UQCC6: variants seen among roughly 807,000 people sequenced by gnomAD.
UQCC6 encodes ubiquinol-cytochrome c reductase complex assembly factor 6, also known as protein BRAWNIN.
At chr12:103,962,686 C>T in the UQCC6 span, among the ~76,000 whole-genome samples, 136,959 of 152,318 alleles carry the variant, frequency 0.9, 61,672 homozygotes, top group East Asian at 1. Flanking sequence ...AATTTCTGCA[C>T]ACTCAGCCCC....
At chr12:103,959,486 G>A in the UQCC6 span, among the ~76,000 whole-genome samples, 1 of 152,100 alleles carries the variant, frequency 6.6e-6, no homozygotes, top group Non-Finnish European at 1.5e-5. Flanking sequence ...GCCGAGGCAG[G>A]CGGATTGTCT....
the UQCC6 span, chr12:103,953,733 C>CA: frequency 2.8e-5 from 17 of 600,042 alleles, no homozygotes; most frequent in East Asian, 4.8e-4. Context: ...TTAGACCCTT[C>CA]AATATGGCCC....
the UQCC6 span, among the ~76,000 whole-genome samples, chr12:103,960,452 C>G: frequency 6.6e-6 from 1 of 152,172 alleles, no homozygotes; most frequent in Admixed American, 6.5e-5. Flanking sequence ...CAAATCCTCT[C>G]CAACATTTGC....
the UQCC6 span, chr12:103,956,832 G>A: frequency 1.2e-6 from 1 of 834,846 alleles, no homozygotes; most frequent in Non-Finnish European, 1.9e-6. Flanking sequence ...AGCCAGCGCT[G>A]GACACGAGAC....
At chr12:103,956,993 G>A in the UQCC6 span, 1 of 515,272 alleles carries the variant, frequency 1.9e-6, no homozygotes, top group Admixed American at 3.2e-5. Flanking sequence ...GCGCCGGCCT[G>A]CGTGCGGCAT....
chr12:103,956,920 G>A, the UQCC6 span: 2 of 573,628 alleles, frequency 3.5e-6, no homozygotes, highest in Non-Finnish European at 6.3e-6. Flanking sequence ...TACGAGCTGA[G>A]GGCACTGAGA....
the UQCC6 span, among the ~76,000 whole-genome samples, chr12:103,960,149 G>T: frequency 2.0e-5 from 3 of 151,766 alleles, no homozygotes; most frequent in African/African-American, 7.3e-5. Flanking sequence ...GTGTAGTGGC[G>T]TGACCTTGAC....
At chr12:103,963,801 C>T in the UQCC6 span, among the ~76,000 whole-genome samples, 2 of 152,066 alleles carry the variant, frequency 1.3e-5, no homozygotes, top group South Asian at 2.1e-4. Flanking sequence ...TGCAACCTTG[C>T]GAATCTCACC....
chr12:103,953,006 A>G, the UQCC6 span, among the ~76,000 whole-genome samples: 1 of 152,198 alleles, frequency 6.6e-6, no homozygotes, highest in African/African-American at 2.4e-5. Flanking sequence ...GGGCAGAGGA[A>G]AAAGGGAGTG....
chr12:103,956,954 G>T, the UQCC6 span: 2 of 545,600 alleles, frequency 3.7e-6, no homozygotes, highest in East Asian at 3.1e-5. Context: ...CCAGGCCGAG[G>T]CCCAGCCCCA....
At chr12:103,956,093 G>A in the UQCC6 span, among the ~76,000 whole-genome samples, 1 of 152,156 alleles carries the variant, frequency 6.6e-6, no homozygotes, top group Non-Finnish European at 1.5e-5. Context: ...AGTGCTCTAT[G>A]GAAACAAAAG....
chr12:103,960,310 G>A, the UQCC6 span, among the ~76,000 whole-genome samples: 1 of 152,086 alleles, frequency 6.6e-6, no homozygotes, highest in Non-Finnish European at 1.5e-5. Flanking sequence ...CTGACCTCAT[G>A]TGATCCATCC....
chr12:103,956,613 T>C, the UQCC6 span: 1 of 1,491,656 alleles, frequency 6.7e-7, no homozygotes, highest in South Asian at 1.2e-5. Context: ...AATAAAATAG[T>C]AGCCCTCCCG....
chr12:103,956,718 C>T, the UQCC6 span: 1 of 1,551,638 alleles, frequency 6.4e-7, no homozygotes, highest in Non-Finnish European at 8.7e-7. Context: ...GGTAGGTGGA[C>T]ATGGGCACGC....
the UQCC6 span, among the ~76,000 whole-genome samples, chr12:103,959,772 C>G: frequency 6.7e-6 from 1 of 149,910 alleles, no homozygotes; most frequent in Non-Finnish European, 1.5e-5. Flanking sequence ...ATTTCCAAAG[C>G]AGCTATACAA....
At chr12:103,951,691 T>C in the UQCC6 span, 1 of 928,434 alleles carries the variant, frequency 1.1e-6, no homozygotes, top group Non-Finnish European at 1.6e-6. Context: ...TGTAATTCAA[T>C]GTAACCTAGA....
the UQCC6 span, among the ~76,000 whole-genome samples, chr12:103,952,362 T>C: frequency 6.6e-6 from 1 of 152,260 alleles, no homozygotes; most frequent in Admixed American, 6.5e-5. Flanking sequence ...CTTGTATCAG[T>C]ATTTCATTTT....
At chr12:103,953,758 G>A in the UQCC6 span, 2 of 569,776 alleles carry the variant, frequency 3.5e-6, no homozygotes, top group Non-Finnish European at 6.3e-6. Flanking sequence ...AAAGGCTGTG[G>A]CTTCATTCTA....
At chr12:103,959,425 T>C in the UQCC6 span, among the ~76,000 whole-genome samples, 1 of 152,100 alleles carries the variant, frequency 6.6e-6, no homozygotes, top group African/African-American at 2.4e-5. Context: ...TTTTAAGAAA[T>C]TGCCAGGCCG....
Sources: gnomAD v4.1 joint callset for allele counts (sites outside exome capture counted in the v4.1 genomes callset) on GRCh38, gnomAD v4.1.1 for gene constraint, MANE v1.5 for transcripts, NCBI Gene and HGNC (gene_info 2026-07-23, HGNC 2026-07-21) for gene names.